DLGAP4: variants seen among roughly 807,000 people sequenced by gnomAD.
DLGAP4 encodes the protein DLG associated protein 4.
In DLGAP4, 18 loss-of-function variants were observed where a neutral mutation model predicts 86.9. The ratio of observed to expected loss-of-function variants is 0.21; its 90% CI spans 0.14 to 0.31. The LOEUF is 0.31. Ranked by LOEUF, DLGAP4 falls within the 10% of genes least tolerant of loss-of-function variation. The pLI, the probability that DLGAP4 is intolerant of heterozygous loss-of-function variation, is 1.00. For missense variants in DLGAP4, 1,085 were observed against 1,362.6 expected (o/e 0.80, Z 3.21); for synonymous variants, 548 against 574.3 (o/e 0.95, Z 0.65).
chr20:36,383,323 G>A lies in DLGAP4; in HGVS notation c.-73+16048G>A, dbSNP rs546004966. On this transcript the variant is annotated intron_variant, in intron 2 of 12. Transcript: ENST00000339266. ...AATGGGCAAGGAGCCAATAAAAGAC[G>A]GCCTCAGGGATGAGTGATGGAGTGG... 5.3e-5 allele frequency among the ~76,000 whole-genome samples: 8 copies of A among 152,274 alleles called. No homozygotes were observed. The East Asian group carries it at 7.7e-4, about 15-fold the overall frequency.
At chr20:36,435,999 G>C in intron 3 of DLGAP4, 110 bp from the exon 4 acceptor site, 8 of 1,407,766 alleles carry the variant, frequency 5.7e-6, no homozygotes, top group Non-Finnish European at 7.4e-6. Context: ...CCCAGCACGT[G>C]AGCCCGAATT....
chr20:36,442,568 T>G (rs1372865605), intron 5 of DLGAP4, among the ~76,000 whole-genome samples, 159 bp from the exon 6 acceptor site: 1 of 152,198 alleles, frequency 6.6e-6, no homozygotes, highest in Non-Finnish European at 1.5e-5. Flanking sequence ...CTCCCATCCC[T>G]GGAAGAAGCC....
chr20:36,421,055 C>T (rs2032810590), intron 2 of DLGAP4, among the ~76,000 whole-genome samples: 1 of 152,154 alleles, frequency 6.6e-6, no homozygotes, highest in East Asian at 1.9e-4. Flanking sequence ...ACCGGAGGAT[C>T]TCTTGAGCCC....
At chr20:36,525,487 G>T in intron 11 of DLGAP4, 1 of 328,552 alleles carries the variant, frequency 3.0e-6, no homozygotes, top group Non-Finnish European at 5.9e-6. Flanking sequence ...CACAGATTCT[G>T]TGACCTTTCC....
chr20:36,385,476 A>C (rs2031563021), intron 2 of DLGAP4, among the ~76,000 whole-genome samples: 1 of 152,194 alleles, frequency 6.6e-6, no homozygotes, highest in Admixed American at 6.5e-5. Context: ...AAGCACAGCA[A>C]GAAGCAAAAG....
intron 1 of DLGAP4, among the ~76,000 whole-genome samples, chr20:36,340,505 A>G (rs1555892396): frequency 1.3e-5 from 2 of 152,160 alleles, no homozygotes; most frequent in Non-Finnish European, 2.9e-5. Context: ...CACAATCGCC[A>G]GTCTGTCCCC....
chr20:36,445,458 C>T (rs976231919), intron 6 of DLGAP4, among the ~76,000 whole-genome samples: 1 of 152,130 alleles, frequency 6.6e-6, no homozygotes, highest in Non-Finnish European at 1.5e-5. Context: ...GAGCCGAGAT[C>T]GCGCCACTGC....
chr20:36,523,006 G>A (rs2037472019), intron 10 of DLGAP4, among the ~76,000 whole-genome samples: 1 of 152,012 alleles, frequency 6.6e-6, no homozygotes, highest in South Asian at 2.1e-4. Context: ...ACCATGCCTG[G>A]CTTATTTTTG....
intron 1 of DLGAP4, among the ~76,000 whole-genome samples, chr20:36,340,266 C>T (rs1263775828): frequency 1.3e-5 from 2 of 152,036 alleles, no homozygotes; most frequent in Non-Finnish European, 2.9e-5. Context: ...TTCTCGGGAA[C>T]TTCTGGCTGT....
At chr20:36,508,161 T>G (rs1180343057) in intron 10 of DLGAP4, 1 of 152,156 alleles carries the variant, frequency 6.6e-6, no homozygotes, top group Non-Finnish European at 1.5e-5. Context: ...AGACCCTACC[T>G]CTTCATAGGG....
At chr20:36,489,011 T>C (rs558083077) in intron 7 of DLGAP4, among the ~76,000 whole-genome samples, 2 of 152,350 alleles carry the variant, frequency 1.3e-5, no homozygotes, top group South Asian at 4.1e-4. Context: ...CTGAGAACAC[T>C]GGGCAGTGCT....
intron 2 of DLGAP4, among the ~76,000 whole-genome samples, chr20:36,379,612 G>A (rs2031297303): frequency 6.6e-6 from 1 of 152,154 alleles, no homozygotes; most frequent in Non-Finnish European, 1.5e-5. Context: ...GAGTTTTAGA[G>A]GAGAGCCTGG....
At chr20:36,332,527 C>T (rs1054131995) in intron 1 of DLGAP4, among the ~76,000 whole-genome samples, 6 of 151,938 alleles carry the variant, frequency 3.9e-5, no homozygotes, top group Non-Finnish European at 7.4e-5. Flanking sequence ...GTAGCTGGGA[C>T]TACAGGCGCC....
At chr20:36,348,226 A>G (rs2030009687) in intron 1 of DLGAP4, among the ~76,000 whole-genome samples, 1 of 152,232 alleles carries the variant, frequency 6.6e-6, no homozygotes, top group Non-Finnish European at 1.5e-5. Flanking sequence ...TGAAGAAGGA[A>G]GGAGGAGATA....
intron 7 of DLGAP4, among the ~76,000 whole-genome samples, chr20:36,464,902 G>A (rs2034272407): frequency 1.3e-5 from 2 of 151,690 alleles, no homozygotes; most frequent in Admixed American, 1.3e-4. Context: ...CTGGGTTTCA[G>A]AACCACAAAC....
intron 2 of DLGAP4, among the ~76,000 whole-genome samples, chr20:36,374,857 C>T (rs951277124): frequency 6.6e-6 from 1 of 152,248 alleles, no homozygotes; most frequent in African/African-American, 2.4e-5. Flanking sequence ...GGCTGTCCCC[C>T]AAATGACCTG....
chr20:36,505,501 G>A (rs2036322884), intron 10 of DLGAP4, among the ~76,000 whole-genome samples: 3 of 152,146 alleles, frequency 2.0e-5, no homozygotes, highest in African/African-American at 7.2e-5. Context: ...TAGGCTGGGT[G>A]TGGTGGCTCA....
chr20:36,502,411 A>G (rs2036185538), intron 10 of DLGAP4, among the ~76,000 whole-genome samples: 1 of 152,226 alleles, frequency 6.6e-6, no homozygotes, highest in Admixed American at 6.5e-5. Flanking sequence ...GTGCAGTGGC[A>G]TAAGCATAGC....
intron 2 of DLGAP4, among the ~76,000 whole-genome samples, chr20:36,396,766 A>G (rs1236977225): frequency 1.3e-5 from 2 of 152,150 alleles, no homozygotes; most frequent in Non-Finnish European, 2.9e-5. Flanking sequence ...AGGCAGCCCT[A>G]CTTAGCCTCA....
Sources: allele counts gnomAD v4.1 joint callset (sites outside exome capture counted in the v4.1 genomes callset), GRCh38; gene constraint gnomAD v4.1.1; transcripts MANE v1.5; gene names NCBI Gene and HGNC (gene_info 2026-07-23, HGNC 2026-07-21).